The following COMP variants were observed in gnomAD, a reference collection of about 807,000 sequenced individuals.
COMP encodes cartilage oligomeric matrix protein (pseudoachondroplasia, epiphyseal dysplasia 1, multiple).
A neutral mutation model predicts 95.8 loss-of-function variants in COMP; 79 were observed. The observed-to-expected ratio is 0.82, with a 90% CI of 0.69 to 0.99. The LOEUF (loss-of-function observed/expected upper bound fraction) is 0.99. COMP is among the 50% of genes least tolerant of loss of function. The pLI is 0.00. For synonymous variants in COMP, 438 were observed against 433.9 expected (o/e 1.01, Z -0.12); for missense variants, 906 against 1,076.1 (o/e 0.84, Z 2.21).
chr19:18,791,129 C>T, intron 1 of COMP, 62 bp downstream of exon 1: 3 of 1,540,482 alleles, frequency 1.9e-6, no homozygotes, highest in Non-Finnish European at 2.6e-6. Context: ...TCCCGGGCCT[C>T]TCACGGGTCC....
In COMP at chr19:18,784,876, G is replaced by A; in HGVS notation, c.1914+20C>T. 2 of 1,612,868 alleles carry A rather than the reference G, an allele frequency of 1.2e-6. No individual in the cohort carries two copies. Among genetic ancestry groups the A allele is most frequent in the Non-Finnish European group, 1.7e-6 (2 of 1,179,878 alleles). On this transcript the variant is annotated intron_variant, in intron 16 of 18. Transcript: ENST00000222271. This position sits in a 1 kb window ranked among gnomAD's most constrained non-coding sequence, Gnocchi z 4.9. ...GAGGGCATGAGGACCGCAGAGGTCAGGCACGGACGGCCCTGGCACCTTGAG... is the reference window on the plus strand; with the variant it reads ...GAGGGCATGAGGACCGCAGAGGTCAAGCACGGACGGCCCTGGCACCTTGAG...
chr19:18,788,791 G>A lies in COMP; in HGVS notation c.604-41C>T. 6.2e-7 allele frequency: 1 copy of A among 1,608,114 alleles called. No homozygotes were observed. On this transcript the variant is annotated intron_variant, in intron 6 of 18. Coordinates refer to ENST00000222271, the MANE Select transcript of COMP (RefSeq NM_000095.3). The surrounding 1 kb of genome is among the most constrained non-coding windows in gnomAD (Gnocchi z 4.7). ...CGGAGGTCAGCGCAGGCCGCCCGCC[G>A]CTCGCCCCACCTCCCGCGATCCTTT...
intron 10 of COMP, among the ~76,000 whole-genome samples, chr19:18,787,218 C>G (rs1601055450): frequency 1.3e-5 from 2 of 152,332 alleles, no homozygotes; most frequent in African/African-American, 4.8e-5. Context: ...CCTCCCAGGT[C>G]CTAAACCCCA....
chr19:18,782,990 C>A, intron 18 of COMP, 29 bp from the exon 19 acceptor site: 1 of 1,612,358 alleles, frequency 6.2e-7, no homozygotes. Context: ...CGGGTGAGGG[C>A]TGAGAAGGCC....
At chr19:18,787,110 G>A (rs1403839453) in intron 10 of COMP, 12 of 395,134 alleles carry the variant, frequency 3.0e-5, no homozygotes, top group Non-Finnish European at 5.2e-5. Context: ...TCCAAGGGAA[G>A]GCTAGTGAGG....
intron 13 of COMP, 26 bp from the exon 14 acceptor site, chr19:18,785,877 G>T (rs758051214): frequency 3.0e-5 from 48 of 1,608,368 alleles, no homozygotes; most frequent in Admixed American, 2.7e-4. Flanking sequence ...CCCCTCGGTG[G>T]GCTAAAGTCA....
intron 10 of COMP, among the ~76,000 whole-genome samples, chr19:18,787,208 C>T (rs2055173765): frequency 6.6e-6 from 1 of 152,190 alleles, no homozygotes; most frequent in African/African-American, 2.4e-5. Flanking sequence ...AAAGTTGTCA[C>T]CTCCCAGGTC....
Position 18,787,403 on chromosome 19 carries a change from CA to C in COMP, c.1135+87del, listed in dbSNP as rs2055174918. The C allele has an allele frequency of 3.8e-6, 6 of 1,586,020 alleles. No homozygotes were observed. In the Admixed American group the frequency reaches 1.0e-4, roughly 27 times the overall value. On this transcript the variant is annotated intron_variant, in intron 10 of 18. Coordinates refer to ENST00000222271, the MANE Select transcript of COMP (RefSeq NM_000095.3). ...AGTCCAGCTTACCCCATCCGGCTTC[CA>C]AAACCAGCCAAGCCCCGCCCCGGAG... is the stretch of plus-strand genomic sequence containing the variant.
At position 18,789,984 on chromosome 19, in the gene COMP, C is replaced by T. The variant is rs1442304291; in HGVS notation, c.348G>A (p.Ala116=). 5 of 1,594,582 alleles carry T rather than the reference C, an allele frequency of 3.1e-6. No homozygotes were observed. The African/African-American group carries it at 6.7e-5, about 21-fold the overall frequency. The change falls in exon 4 of 19, where the codon GCG becomes GCA. Residue 116 remains alanine, a synonymous_variant. Transcript: ENST00000222271. The surrounding 1 kb of genome is among the most constrained non-coding windows in gnomAD (Gnocchi z 6.1). ...ESGARCGPCP[A]GFTGNGSHCT... is the part of the protein sequence containing the mutation. ...AGTGCGAGCCGTTGCCCGTGAAGCC[C>T]GCGGGGCAGGGGCCGCAGCGCGCGC...
At chr19:18,791,032 T>G in intron 1 of COMP, 97 bp from the exon 2 acceptor site, 2 of 1,521,494 alleles carry the variant, frequency 1.3e-6, no homozygotes, top group East Asian at 2.5e-5. Context: ...GAGGCCCCAC[T>G]GCGCTCCTCT....
chr19:18,786,161 T>C lies in COMP; in HGVS notation c.1308-15A>G, dbSNP rs749899512. The stretch of plus-strand genomic sequence containing the variant: ...CGTCTCCATCCCTAGAGTGGATAGG[T>C]GGGATCCAGAGACAATGAGCTCTCC... On this transcript the variant is annotated splice_polypyrimidine_tract_variant and intron_variant, in intron 12 of 18. Transcript: ENST00000222271. 5.0e-6 allele frequency: 8 copies of C among 1,613,942 alleles called. No homozygotes were observed. In the South Asian group the frequency reaches 6.6e-5, roughly 13 times the overall value.
At position 18,785,979 on chromosome 19, in the gene COMP, T is replaced by A. The variant is rs1252223404; in HGVS notation, c.1475A>T (p.Gln492Leu). The stretch of plus-strand genomic sequence containing the variant: ...CCCCGCCGTACTGTCCGCGTCCTCC[T>A]GGCCGGGGTTAGGCACCAGGCGGCA... ...DNCRLVPNPG[Q>L]EDADRDGVGD... The change falls in exon 13 of 19, where the codon CAG (glutamine) becomes CTG (leucine). Residue 492 changes from glutamine (Q) to leucine (L), a missense_variant. Transcript: ENST00000222271. 6.3e-7 allele frequency: 1 copy of A among 1,583,804 alleles called. No homozygotes were observed. Among genetic ancestry groups the A allele is most frequent in the South Asian group, 1.1e-5 (1 of 90,266 alleles).
rs2055149785 is a variant in COMP at position 18,784,347 on chromosome 19, G to T, written c.1931C>A (p.Thr644Lys). ...GIQLKAVKSSTGPGEQLRNAL... is the reference protein window; with the variant it reads ...GIQLKAVKSSKGPGEQLRNAL... ...GTTCCGCAGCTGTTCCCCGGGGCCT[G>T]TGGAAGACTTCACAGCCTGCCAATA... The change falls in exon 17 of 19, where the codon ACA becomes AAA. Residue 644 changes from threonine (T) to lysine (K), a missense_variant. Transcript: ENST00000222271. The surrounding 1 kb of genome is among the most constrained non-coding windows in gnomAD (Gnocchi z 4.9). 5 of 1,614,004 alleles carry T rather than the reference G, an allele frequency of 3.1e-6. No individual in the cohort carries two copies. Among genetic ancestry groups the T allele is most frequent in the African/African-American group, 2.7e-5 (2 of 75,058 alleles).
At chr19:18,787,364 G>A in intron 10 of COMP, 127 bp downstream of exon 10, 5 of 1,382,436 alleles carry the variant, frequency 3.6e-6, no homozygotes, top group Non-Finnish European at 5.0e-6. Flanking sequence ...ATGGTCTTTG[G>A]TCCAGGGCGC....
intron 10 of COMP, chr19:18,787,009 G>C: frequency 3.0e-6 from 1 of 337,528 alleles, no homozygotes; most frequent in Non-Finnish European, 5.6e-6. Flanking sequence ...CTGACCTCGT[G>C]ATCCACCTGC....
At chr19:18,787,822 C>T (rs1031634138) in intron 9 of COMP, among the ~76,000 whole-genome samples, 172 bp from the exon 10 acceptor site, 2 of 151,934 alleles carry the variant, frequency 1.3e-5, no homozygotes, top group African/African-American at 2.4e-5. Flanking sequence ...CTTCCCTAGG[C>T]CCCGCTCACA....
In COMP at chr19:18,790,920, G is replaced by T. The variant is rs754279636; in HGVS notation, c.95C>A (p.Pro32Gln). 2 of 1,563,408 alleles carry T rather than the reference G, an allele frequency of 1.3e-6. No individual in the cohort carries two copies. The highest frequency in any genetic ancestry group is 1.7e-4 in the Middle Eastern group (1 of 6,006). Residue 32 changes from proline to glutamine, a missense_variant, in exon 2 of 19, where the codon CCG becomes CAG. Transcript: ENST00000222271. ...GQSPLGSDLG[P>Q]QMLRELQETN... ...TTCCTGCAGTTCCCGAAGCATCTGC[G>T]GGCCCAGGTCTGAGCCTGCGGCGGC... is the stretch of plus-strand genomic sequence containing the variant.
chr19:18,787,630 C>G lies in COMP; in HGVS notation c.996G>C (p.Arg332=). ...CGTCCGTGTTGCGCTGGTCTGGGTT[C>G]CGCACCAGCGGGCAGTTGTCCTGGA... ...PNEKDNCPLV[R]NPDQRNTDED... The change falls in exon 10 of 19, where the codon CGG becomes CGC. Residue 332 remains arginine (R), a synonymous_variant. Coordinates refer to ENST00000222271, the MANE Select transcript of COMP (RefSeq NM_000095.3). 1 of 1,613,964 alleles carries G rather than the reference C, an allele frequency of 6.2e-7. No homozygotes were observed. Among genetic ancestry groups the G allele is most frequent in the Non-Finnish European group, 8.5e-7 (1 of 1,180,028 alleles).
chr19:18,785,143 C>T (rs764707813), intron 15 of COMP, 51 bp from the exon 16 acceptor site: 3 of 1,580,154 alleles, frequency 1.9e-6, no homozygotes, highest in Admixed American at 3.3e-5. Flanking sequence ...CCCCAGCCCC[C>T]GGAACCTGGC....
Sources: gnomAD v4.1 joint callset for allele counts (sites outside exome capture counted in the v4.1 genomes callset) on GRCh38, gnomAD v4.1.1 for gene constraint, Gnocchi (gnomAD v3.1) non-coding constraint, MANE v1.5 for transcripts, NCBI Gene and HGNC (gene_info 2026-07-23, HGNC 2026-07-21) for gene names.